Variants in CTNND2 observed in about 807,000 individuals in gnomAD.
CTNND2 encodes catenin delta-2.
In CTNND2, 22 loss-of-function variants were observed where a neutral mutation model predicts 144.4. The observed-to-expected ratio is 0.15, with a 90% CI of 0.11 to 0.22. CTNND2 has a LOEUF of 0.22. Among genes scored for constraint, CTNND2 ranks in the 10% least tolerant of loss-of-function variants. The pLI, the probability that CTNND2 is intolerant of heterozygous loss-of-function variation, is 1.00. For missense variants in CTNND2, 1,353 were observed against 1,618.8 expected (o/e 0.84, Z 2.82); for synonymous variants, 751 against 695.6 (o/e 1.08, Z -1.25).
intron 9 of CTNND2, among the ~76,000 whole-genome samples, chr5:11,314,342 G>A (rs1751291861): frequency 6.6e-6 from 1 of 151,980 alleles, no homozygotes; most frequent in South Asian, 2.1e-4. Flanking sequence ...GCTATGTTTT[G>A]GGGACCCTAA....
chr5:11,645,024 A>G (rs1430058611), intron 2 of CTNND2, among the ~76,000 whole-genome samples: 3 of 152,166 alleles, frequency 2.0e-5, no homozygotes, highest in Non-Finnish European at 4.4e-5. Context: ...CTAGAGCTGC[A>G]TAACCATCAT....
At chr5:11,628,979 T>C (rs1781288377) in intron 2 of CTNND2, among the ~76,000 whole-genome samples, 1 of 152,136 alleles carries the variant, frequency 6.6e-6, no homozygotes, top group South Asian at 2.1e-4. Context: ...TGTGAGATAA[T>C]AAATTCCTCT....
At chr5:11,375,813 C>T (rs138179314) in intron 7 of CTNND2, among the ~76,000 whole-genome samples, 2,635 of 152,242 alleles carry the variant, frequency 0.017, 48 homozygotes, top group Non-Finnish European at 0.024. Flanking sequence ...ACAATAAATA[C>T]TACATATCTG....
chr5:11,547,405 AAT>A (rs1775345245), intron 3 of CTNND2, among the ~76,000 whole-genome samples: 1 of 152,144 alleles, frequency 6.6e-6, no homozygotes, highest in African/African-American at 2.4e-5. Flanking sequence ...AAATTGTTTA[AAT>A]ATGTCTTAAA....
intron 1 of CTNND2, among the ~76,000 whole-genome samples, chr5:11,784,014 C>T (rs1182831073): frequency 1.3e-5 from 2 of 152,136 alleles, no homozygotes; most frequent in Non-Finnish European, 2.9e-5. Flanking sequence ...AGTAGATGGA[C>T]CACATACCAT....
intron 15 of CTNND2, among the ~76,000 whole-genome samples, chr5:11,094,267 T>G (rs1751093908): frequency 6.6e-6 from 1 of 152,156 alleles, no homozygotes; most frequent in Non-Finnish European, 1.5e-5. Context: ...TCTTCTAAAA[T>G]TACTAGTAAT....
intron 1 of CTNND2, among the ~76,000 whole-genome samples, chr5:11,749,172 C>A (rs189645617): frequency 1.3e-5 from 2 of 152,038 alleles, no homozygotes; most frequent in Non-Finnish European, 2.9e-5. Context: ...ATAGACCTAG[C>A]TCCCATCTTG....
chr5:11,283,697 A>C (rs1437044799), intron 9 of CTNND2, among the ~76,000 whole-genome samples: 1 of 149,972 alleles, frequency 6.7e-6, no homozygotes, highest in East Asian at 1.9e-4. Flanking sequence ...AAAAAAAAAA[A>C]AAAAAAAAAG....
chr5:11,213,727 C>T (rs1265044711), intron 10 of CTNND2, among the ~76,000 whole-genome samples: 1 of 152,050 alleles, frequency 6.6e-6, no homozygotes, highest in Non-Finnish European at 1.5e-5. Flanking sequence ...CCATGGAAGG[C>T]CACTGCAGAA....
chr5:11,012,334 T>C (rs1741183597), intron 18 of CTNND2, among the ~76,000 whole-genome samples: 1 of 152,130 alleles, frequency 6.6e-6, no homozygotes, highest in African/African-American at 2.4e-5. Context: ...CTTGGATACA[T>C]AAAGTGGAAG....
chr5:11,885,176 A>C (rs1336843504), intron 1 of CTNND2, among the ~76,000 whole-genome samples: 1 of 152,146 alleles, frequency 6.6e-6, no homozygotes, highest in Non-Finnish European at 1.5e-5. Context: ...TGCTGACTTC[A>C]TAGAATGAGA....
At chr5:11,644,337 A>C (rs1561651940) in intron 2 of CTNND2, among the ~76,000 whole-genome samples, 1 of 152,214 alleles carries the variant, frequency 6.6e-6, no homozygotes, top group Non-Finnish European at 1.5e-5. Flanking sequence ...TACAACAGTA[A>C]TTGTTATGTC....
In CTNND2 at chr5:10,971,891, C is replaced by G. The variant is rs1164696721; in HGVS notation, c.*1562G>C. Reference sequence around the variant, plus strand: ...CCAAGAACAGTTAACATTTACTAGGCACCTATTGGCCTCAGCCACTTGCAT... The same window carrying G: ...CCAAGAACAGTTAACATTTACTAGGGACCTATTGGCCTCAGCCACTTGCAT... On this transcript the variant is annotated 3_prime_UTR_variant, in exon 22 of 22. Coordinates refer to ENST00000304623, the MANE Select transcript of CTNND2 (RefSeq NM_001332.4). 6.6e-6 allele frequency: 1 copy of G among 152,612 alleles called. No individual in the cohort carries two copies. The highest frequency in any genetic ancestry group is 2.4e-5 in the African/African-American group (1 of 41,440). 9.5% of individuals were successfully genotyped at this position (152,612 alleles called of 1,614,324 possible).
At chr5:11,308,615 T>C (rs1052966217) in intron 9 of CTNND2, among the ~76,000 whole-genome samples, 1 of 152,222 alleles carries the variant, frequency 6.6e-6, no homozygotes, top group African/African-American at 2.4e-5. Context: ...TGAAGTCTAT[T>C]AATTGTTTAA....
chr5:11,470,981 T>TATATATATATATATATATA lies in CTNND2; in HGVS notation c.288-58913_288-58912insTATATATATATATATATAT, dbSNP rs58435800. Reference sequence around the variant, plus strand: ...ATATATATATATATATATATATATATTTTTTTTTTTTTTTTAGATGGAGTC... The same window carrying TATATATATATATATATATA: ...ATATATATATATATATATATATATATATATATATATATATATATATTTTTTTTTTTTTTTAGATGGAGTC... On this transcript the variant is annotated intron_variant, in intron 3 of 21. Coordinates refer to ENST00000304623, the MANE Select transcript of CTNND2 (RefSeq NM_001332.4). Among the ~76,000 whole-genome samples, 76 of 63,976 alleles carry TATATATATATATATATATA rather than the reference T, an allele frequency of 1.2e-3. 1 individual carries two copies. The highest frequency in any genetic ancestry group is 1.7e-3 in the South Asian group (3 of 1,794). 42.0% of individuals were successfully genotyped at this position (63,976 alleles called of 152,430 possible). A position where few individuals can be genotyped will look rare whatever the true frequency, so the allele number is the denominator to read the frequency against.
intron 21 of CTNND2, among the ~76,000 whole-genome samples, chr5:10,974,820 G>A (rs955662099): frequency 5.3e-5 from 8 of 152,194 alleles, no homozygotes; most frequent in Non-Finnish European, 1.0e-4. Flanking sequence ...TTTGTAATTA[G>A]CACGTTGTGT....
Position 11,385,089 on chromosome 5 carries a change from C to G in CTNND2, c.753G>C (p.Ala251=). 19 of 1,054,268 alleles carry G rather than the reference C, an allele frequency of 1.8e-5. No individual in the cohort carries two copies. Among genetic ancestry groups the G allele is most frequent in the Non-Finnish European group, 2.2e-5 (19 of 877,774 alleles). 65.3% of individuals were successfully genotyped at this position (1,054,268 alleles called of 1,614,324 possible). A position where few individuals can be genotyped will look rare whatever the true frequency, so the allele number is the denominator to read the frequency against. ...GCAGCGTGGAGCTGGAGTAGTAGAG[C>G]GCGGCGGCGGCGGCGGCGGGCGGCG... The part of the protein sequence containing the change: ...PDAPPAAAAA[A]LYYSSSTLPA... The change falls in exon 7 of 22, where the codon GCG becomes GCC. Residue 251 remains alanine, a synonymous_variant. Transcript: ENST00000304623.
intron 1 of CTNND2, among the ~76,000 whole-genome samples, chr5:11,891,511 T>A (rs184246018): frequency 1.3e-5 from 2 of 152,256 alleles, no homozygotes; most frequent in East Asian, 3.9e-4. Context: ...CCCGATGTGA[T>A]GGCATTTGGA....
At chr5:11,476,185 C>T (rs371928125) in intron 3 of CTNND2, among the ~76,000 whole-genome samples, 4 of 151,896 alleles carry the variant, frequency 2.6e-5, no homozygotes, top group South Asian at 2.1e-4. Context: ...CTAATTAACT[C>T]GGAAAACCCA....
Sources: allele counts gnomAD v4.1 joint callset (sites outside exome capture counted in the v4.1 genomes callset), GRCh38; gene constraint gnomAD v4.1.1; transcripts MANE v1.5; gene names NCBI Gene and HGNC (gene_info 2026-07-23, HGNC 2026-07-21).